The following MAGI2 variants were observed in gnomAD, a reference collection of about 807,000 sequenced individuals.
The protein encoded by MAGI2 is membrane-associated guanylate kinase, WW and PDZ domain-containing protein 2.
A neutral mutation model predicts 133.3 loss-of-function variants in MAGI2; 35 were observed. That is an observed-to-expected ratio of 0.26 (90% confidence interval 0.20 to 0.35). MAGI2 has a LOEUF of 0.35. Ranked by LOEUF, MAGI2 falls within the 10% of genes least tolerant of loss-of-function variation. The pLI, the probability that MAGI2 is intolerant of heterozygous loss-of-function variation, is 1.00. For missense variants in MAGI2, 1,636 were observed against 1,863.4 expected, an observed-to-expected ratio of 0.88 and a Z score of 2.25; for synonymous variants, 729 against 710.6, an observed-to-expected ratio of 1.03 and a Z score of -0.41.
intron 5 of MAGI2, among the ~76,000 whole-genome samples, chr7:78,491,871 TTGTGTGTG>T (rs10598552): frequency 0.12 from 16,980 of 141,034 alleles, 1,032 homozygotes; most frequent in Middle Eastern, 0.17. Flanking sequence ...TCCGTTCAAA[TTGTGTGTG>T]TGTGTGTGTG....
At position 78,569,097 on chromosome 7, in the gene MAGI2, G is replaced by T. The variant is rs1298088159; in HGVS notation, c.539-47452C>A. On this transcript the variant is annotated intron_variant, in intron 3 of 21. Transcript: ENST00000354212. ...CTGACCATGCACCGTGACCACAGTA[G>T]GTGACCCCTGCCACATATGTGCATG... 2.7e-5 allele frequency among the ~76,000 whole-genome samples: 4 copies of T among 150,600 alleles called. No homozygotes were observed. In the East Asian group the frequency reaches 7.8e-4, roughly 29 times the overall value.
At chr7:78,673,569 G>A (rs1406894784) in intron 2 of MAGI2, among the ~76,000 whole-genome samples, 3 of 152,194 alleles carry the variant, frequency 2.0e-5, no homozygotes, top group African/African-American at 4.8e-5. Flanking sequence ...CCAAGAAGAA[G>A]ACCAATGTCC....
chr7:79,273,468 T>A (rs1835021647), intron 1 of MAGI2, among the ~76,000 whole-genome samples: 1 of 152,132 alleles, frequency 6.6e-6, no homozygotes, highest in Admixed American at 6.6e-5. Context: ...TTTCTCTTGC[T>A]CTTGGGGGTT....
chr7:78,627,920 G>A (rs1206369261), intron 2 of MAGI2, among the ~76,000 whole-genome samples: 2 of 152,066 alleles, frequency 1.3e-5, no homozygotes, highest in African/African-American at 2.4e-5. Flanking sequence ...TCCCTTATGC[G>A]GCCTTCCTTC....
At chr7:78,140,536 G>A (rs1335745815) in intron 16 of MAGI2, among the ~76,000 whole-genome samples, 1 of 152,210 alleles carries the variant, frequency 6.6e-6, no homozygotes, top group Non-Finnish European at 1.5e-5. Context: ...ACTCTCATTA[G>A]CTCGCATTTC....
At chr7:78,036,408 T>G (rs963306522) in intron 21 of MAGI2, among the ~76,000 whole-genome samples, 1 of 572 alleles carries the variant, frequency 1.7e-3, no homozygotes, top group Non-Finnish European at 2.9e-3. Flanking sequence ...TTGTAAATAA[T>G]AATAATAATG....
At chr7:78,163,471 T>C (rs1825298224) in intron 15 of MAGI2, among the ~76,000 whole-genome samples, 1 of 151,970 alleles carries the variant, frequency 6.6e-6, no homozygotes, top group African/African-American at 2.4e-5. Context: ...AGCTGTTTCG[T>C]CTCCACCAGT....
Position 78,145,897 on chromosome 7 carries a change from C to T in MAGI2, c.2846-10691G>A, listed in dbSNP as rs558279130. ...ACCACTCTCATGACCTTATCTAAAC[C>T]TAACTATCTCCCGAAGGCCCGTCTC... is the stretch of plus-strand genomic sequence containing the variant. On this transcript the variant is annotated intron_variant, in intron 16 of 21. Transcript: ENST00000354212. 4.9e-4 allele frequency among the ~76,000 whole-genome samples: 75 copies of T among 152,190 alleles called. 1 individual carries two copies. Among genetic ancestry groups the T allele is most frequent in the African/African-American group, 1.7e-3 (70 of 41,532 alleles).
intron 2 of MAGI2, among the ~76,000 whole-genome samples, chr7:78,890,823 G>A (rs1435329733): frequency 2.6e-5 from 4 of 151,964 alleles, no homozygotes; most frequent in African/African-American, 9.7e-5. Flanking sequence ...AAGAACTAGA[G>A]AAGCAAGAGC....
intron 1 of MAGI2, 54 bp from the exon 2 acceptor site, chr7:79,007,260 G>A (rs751577573): frequency 2.3e-5 from 24 of 1,027,062 alleles, no homozygotes; most frequent in Admixed American, 2.0e-4. Context: ...TTTTAAGCAT[G>A]TAATTTGATT....
intron 2 of MAGI2, among the ~76,000 whole-genome samples, chr7:78,858,132 T>G (rs1040980248): frequency 2.6e-5 from 4 of 152,212 alleles, no homozygotes; most frequent in Non-Finnish European, 2.9e-5. Context: ...TCTATTTGAT[T>G]CCTCTCCATT....
chr7:78,308,258 G>C (rs892916868), intron 9 of MAGI2, among the ~76,000 whole-genome samples: 2 of 152,176 alleles, frequency 1.3e-5, no homozygotes, highest in Non-Finnish European at 2.9e-5. Flanking sequence ...ATTTAGGTAG[G>C]TGGTTCTCAG....
At chr7:79,403,220 GT>G (rs1310504366) in intron 1 of MAGI2, among the ~76,000 whole-genome samples, 1 of 152,000 alleles carries the variant, frequency 6.6e-6, no homozygotes, top group Non-Finnish European at 1.5e-5. Context: ...TAGCCCAAAA[GT>G]TTTTTGTTTT....
At chr7:79,074,132 T>A (rs1815243476) in intron 1 of MAGI2, among the ~76,000 whole-genome samples, 1 of 152,204 alleles carries the variant, frequency 6.6e-6, no homozygotes, top group South Asian at 2.1e-4. Flanking sequence ...GTCACTTGTT[T>A]GTCATTTTAC....
chr7:79,310,480 A>C (rs1838198299), intron 1 of MAGI2, among the ~76,000 whole-genome samples: 1 of 152,152 alleles, frequency 6.6e-6, no homozygotes, highest in African/African-American at 2.4e-5. Flanking sequence ...AGAGATCTGC[A>C]TTTTAACAAA....
intron 2 of MAGI2, among the ~76,000 whole-genome samples, chr7:78,693,479 A>G (rs1377940172): frequency 6.6e-6 from 1 of 152,184 alleles, no homozygotes; most frequent in Non-Finnish European, 1.5e-5. Context: ...AGCAAGAGAA[A>G]ATCAATTAAA....
chr7:78,109,851 G>A (rs929276272), intron 20 of MAGI2, among the ~76,000 whole-genome samples: 1 of 152,142 alleles, frequency 6.6e-6, no homozygotes, highest in African/African-American at 2.4e-5. Context: ...ACAAGGGTCT[G>A]TATTGTGGCA....
At chr7:78,775,004 T>C (rs2151327237) in intron 2 of MAGI2, among the ~76,000 whole-genome samples, 1 of 152,136 alleles carries the variant, frequency 6.6e-6, no homozygotes, top group East Asian at 1.9e-4. Context: ...ACTCCACACT[T>C]ACATATATAT....
chr7:78,059,998 G>A (rs956177928), intron 21 of MAGI2, among the ~76,000 whole-genome samples: 2 of 152,086 alleles, frequency 1.3e-5, no homozygotes, highest in Admixed American at 6.6e-5. Context: ...CCAGGAGACC[G>A]TGCTAGACAT....
Sources: allele counts gnomAD v4.1 joint callset (sites outside exome capture counted in the v4.1 genomes callset), GRCh38; gene constraint gnomAD v4.1.1; transcripts MANE v1.5; gene names NCBI Gene and HGNC (gene_info 2026-07-23, HGNC 2026-07-21).